The following TBX19 variants were observed in gnomAD, a reference collection of about 807,000 sequenced individuals.
The protein encoded by TBX19 is T-box transcription factor 19, also known as T-box transcription factor TBX19.
In TBX19, 33 loss-of-function variants were observed where a neutral mutation model predicts 40.9. The ratio of observed to expected loss-of-function variants is 0.81; its 90% confidence interval spans 0.61 to 1.08. The LOEUF is 1.08. TBX19 is among the 50% of genes least tolerant of loss of function. The pLI is 0.00. For missense variants in TBX19, 494 were observed against 574.0 expected, an observed-to-expected ratio of 0.86 and a Z score of 1.42; for synonymous variants, 220 against 225.0, an observed-to-expected ratio of 0.98 and a Z score of 0.20.
chr1:168,292,475 A>G (rs1452911387), intron 2 of TBX19, among the ~76,000 whole-genome samples: 2 of 152,212 alleles, frequency 1.3e-5, no homozygotes, highest in East Asian at 3.9e-4. Context: ...AAGGCAAACA[A>G]TATATTTTGA....
chr1:168,300,141 G>A (rs1398889381), intron 4 of TBX19, among the ~76,000 whole-genome samples: 2 of 152,040 alleles, frequency 1.3e-5, no homozygotes, highest in East Asian at 1.9e-4. Context: ...TTGTCAGTCA[G>A]GAGCAATATC....
Position 168,305,033 on chromosome 1 carries a change from A to G in TBX19, c.753A>G (p.Pro251=), listed in dbSNP as rs780416922. ...TGGGAGGCTGGATCTTTTCCAATCCAGATGGAGTGTGCACAGCAGGAAACT... is the reference window on the plus strand; with the variant it reads ...TGGGAGGCTGGATCTTTTCCAATCCGGATGGAGTGTGCACAGCAGGAAACT... ...SHLGGWIFSN[P]DGVCTAGNSN... Residue 251 remains proline (P), a synonymous_variant, in exon 6 of 8, where the codon CCA becomes CCG. Transcript: ENST00000367821. 3 of 1,614,026 alleles carry G rather than the reference A, an allele frequency of 1.9e-6. No individual in the cohort carries two copies. In the African/African-American group the frequency reaches 4.0e-5, roughly 22 times the overall value.
At chr1:168,287,562 G>A (rs1164747512) in intron 1 of TBX19, among the ~76,000 whole-genome samples, 1 of 152,042 alleles carries the variant, frequency 6.6e-6, no homozygotes, top group Non-Finnish European at 1.5e-5. Flanking sequence ...GCCTCTCAAA[G>A]TGCTGGGATT....
intron 1 of TBX19, among the ~76,000 whole-genome samples, chr1:168,290,170 G>A (rs1648903685): frequency 1.3e-5 from 2 of 152,144 alleles, no homozygotes; most frequent in Admixed American, 1.3e-4. Flanking sequence ...AATAGAATAG[G>A]GAGTAACTGC....
Position 168,312,716 on chromosome 1 carries a change from C to T in TBX19, c.1061C>T (p.Pro354Leu), listed in dbSNP as rs776790291. 2.5e-6 allele frequency: 4 copies of T among 1,612,824 alleles called. No homozygotes were observed. Among genetic ancestry groups the T allele is most frequent in the Non-Finnish European group, 3.4e-6 (4 of 1,180,038 alleles). ...GPINPGPSPY[P>L]CLWTISNGAG... is the part of the protein sequence containing the mutation. ...TTTCTCTGTCTCTGCAGCCCCTACCCGTGCCTGTGGACCATCAGCAATGGT... is the reference window on the plus strand; with the variant it reads ...TTTCTCTGTCTCTGCAGCCCCTACCTGTGCCTGTGGACCATCAGCAATGGT... Residue 354 changes from proline to leucine, a missense_variant, in exon 8 of 8, where the codon CCG (proline) becomes CTG (leucine). By Grantham distance (98) the Pro-to-Leu change is moderately conservative. Around this residue, in one of 3 missense-constraint regions of TBX19, gnomAD observed 284 missense variants for 307.3 expected, o/e 0.92. Transcript: ENST00000367821.
intron 3 of TBX19, 25 bp downstream of exon 3, chr1:168,293,303 G>T (rs750632143): frequency 1.1e-5 from 17 of 1,571,214 alleles, no homozygotes. Context: ...GTGTGTGTGT[G>T]TGTGTGTGTG....
chr1:168,290,285 A>G (rs1283837840), intron 1 of TBX19, among the ~76,000 whole-genome samples: 1 of 152,222 alleles, frequency 6.6e-6, no homozygotes, highest in African/African-American at 2.4e-5. Flanking sequence ...ACTTGTTGTT[A>G]TTATTCTAGC....
intron 6 of TBX19, chr1:168,308,397 G>A: frequency 5.8e-6 from 2 of 344,154 alleles, no homozygotes; most frequent in South Asian, 2.5e-5. Context: ...AGCTTGAGGG[G>A]AGGCTGGTAT....
At chr1:168,308,404 G>C (rs1225828672) in intron 6 of TBX19, 1 of 355,908 alleles carries the variant, frequency 2.8e-6, no homozygotes, top group South Asian at 2.3e-5. Context: ...GGGGAGGCTG[G>C]TATGGTCCCT....
At chr1:168,300,520 GC>G (rs1649252319) in intron 5 of TBX19, 37 bp downstream of exon 5, 2 of 1,596,882 alleles carry the variant, frequency 1.3e-6, no homozygotes, top group Non-Finnish European at 1.7e-6. Flanking sequence ...GGTGCGTGGG[GC>G]TGTACCTGGA....
intron 3 of TBX19, chr1:168,297,487 C>G (rs1649142176): frequency 1.7e-6 from 1 of 588,228 alleles, no homozygotes; most frequent in Non-Finnish European, 3.1e-6. Context: ...TCACCACATG[C>G]AATGATAAAA....
chr1:168,291,107 T>C, intron 1 of TBX19, 53 bp from the exon 2 acceptor site: 1 of 1,611,604 alleles, frequency 6.2e-7, no homozygotes, highest in Non-Finnish European at 8.5e-7. Context: ...CTGGACAAGG[T>C]GAGAGTTCCT....
At chr1:168,298,800 C>CCCTCCCTCCCTCCCTCCCT (rs1553289824) in intron 4 of TBX19, among the ~76,000 whole-genome samples, 18 of 8,042 alleles carry the variant, frequency 2.2e-3, no homozygotes, top group African/African-American at 8.9e-3. Flanking sequence ...CTCCTCTCCT[C>CCCTCCCTCCCTCCCTCCCT]CCCTCCCTCC....
chr1:168,297,704 C>T lies in TBX19; in HGVS notation c.604-20C>T. 1 of 1,612,520 alleles carries T rather than the reference C, an allele frequency of 6.2e-7. No individual in the cohort carries two copies. The highest frequency in any genetic ancestry group is 8.5e-7 in the Non-Finnish European group (1 of 1,178,564). Reference sequence around the variant, plus strand: ...GTGTATCCTACTTTTACTAACACTTCTTGTCTTTGTAAATGCAAGATAACG... The same window carrying T: ...GTGTATCCTACTTTTACTAACACTTTTTGTCTTTGTAAATGCAAGATAACG... On this transcript the variant is annotated intron_variant, in intron 3 of 7. Transcript: ENST00000367821.
At chr1:168,296,643 G>A (rs1366182791) in intron 3 of TBX19, among the ~76,000 whole-genome samples, 1 of 152,090 alleles carries the variant, frequency 6.6e-6, no homozygotes, top group Non-Finnish European at 1.5e-5. Context: ...TTTGGGTAGG[G>A]ACATAGCCAA....
At chr1:168,296,875 A>T (rs10918866) in intron 3 of TBX19, among the ~76,000 whole-genome samples, 3,648 of 151,868 alleles carry the variant, frequency 0.024, 120 homozygotes, top group South Asian at 0.14. Flanking sequence ...TCTCAAAAAA[A>T]ATATATATAT....
intron 3 of TBX19, among the ~76,000 whole-genome samples, chr1:168,296,586 C>T (rs978455185): frequency 2.0e-5 from 3 of 152,052 alleles, no homozygotes; most frequent in African/African-American, 2.4e-5. Context: ...CCACCGGGAC[C>T]GTCCCACAAC....
chr1:168,301,173 G>GT (rs1239943278), intron 5 of TBX19, among the ~76,000 whole-genome samples: 1 of 152,198 alleles, frequency 6.6e-6, no homozygotes, highest in South Asian at 2.1e-4. Context: ...CAGCTGCAGA[G>GT]TTCTTTACTT....
chr1:168,304,729 G>A (rs916782558), intron 5 of TBX19, among the ~76,000 whole-genome samples: 1 of 152,186 alleles, frequency 6.6e-6, no homozygotes, highest in Non-Finnish European at 1.5e-5. Flanking sequence ...AGATTGGGTA[G>A]ATCAGAAGTC....
Sources: allele counts gnomAD v4.1 joint callset (sites outside exome capture counted in the v4.1 genomes callset), GRCh38; gene constraint gnomAD v4.1.1; regional missense constraint gnomAD v4.1.1; transcripts MANE v1.5; gene names NCBI Gene and HGNC (gene_info 2026-07-23, HGNC 2026-07-21).